AHCYL2: variants seen among roughly 807,000 people sequenced by gnomAD.
AHCYL2 encodes the protein S-adenosylhomocysteine hydrolase-like protein 2.
A neutral mutation model predicts 81.4 loss-of-function variants in AHCYL2; 28 were observed. That is an observed-to-expected ratio of 0.34 (90% CI 0.25 to 0.47). The LOEUF is 0.47. AHCYL2 is among the 20% of genes least tolerant of loss of function. The probability of loss-of-function intolerance (pLI) is 1.00; values close to 1 mark genes in which losing one functional copy is unlikely to be tolerated. For synonymous variants in AHCYL2, 272 were observed against 290.2 expected (o/e 0.94, Z 0.64); for missense variants, 551 against 785.1 (o/e 0.70, Z 3.56).
chr7:129,272,388 T>TA (rs1796051130), intron 1 of AHCYL2, among the ~76,000 whole-genome samples: 1 of 152,212 alleles, frequency 6.6e-6, no homozygotes, highest in Non-Finnish European at 1.5e-5. Flanking sequence ...GTGAGTATAA[T>TA]AAAATGGTTG....
chr7:129,390,573 A>C (rs1453557000), intron 4 of AHCYL2, among the ~76,000 whole-genome samples: 1 of 152,228 alleles, frequency 6.6e-6, no homozygotes, highest in Non-Finnish European at 1.5e-5. Flanking sequence ...GGCAGACTTC[A>C]GATGCAGGAT....
At position 129,413,204 on chromosome 7, in the gene AHCYL2, C is replaced by T. The variant is rs530092091; in HGVS notation, c.1367-390C>T. 1.8e-4 allele frequency among the ~76,000 whole-genome samples: 26 copies of T among 146,108 alleles called. No homozygotes were observed. In the East Asian group the frequency reaches 2.0e-3, roughly 11 times the overall value. On this transcript the variant is annotated intron_variant, in intron 11 of 16. Coordinates refer to ENST00000325006, the MANE Select transcript of AHCYL2 (RefSeq NM_015328.4). ...TCACCCAGGCTGGAGTGTGGTGGCA[C>T]GATCTCGGCTCACTGCAAGCTCCAC...
chr7:129,258,643 G>C lies in AHCYL2; in HGVS notation c.363+33204G>C, dbSNP rs183374953. Among the ~76,000 whole-genome samples the C allele has an allele frequency of 2.3e-4, 35 of 150,716 alleles. 1 individual carries two copies. The East Asian group carries it at 5.1e-3, about 22-fold the overall frequency. On this transcript the variant is annotated intron_variant, in intron 1 of 16. Transcript: ENST00000325006. ...TCCAGAGAGTTCCCTGAGATACCAG[G>C]TAAGATCTTGGATAGAATGGAGTGT...
At chr7:129,362,329 G>A (rs1052821008) in intron 1 of AHCYL2, among the ~76,000 whole-genome samples, 24 of 152,110 alleles carry the variant, frequency 1.6e-4, no homozygotes, top group Non-Finnish European at 2.8e-4. Context: ...AAATACCTGT[G>A]AGGTATGAAT....
At chr7:129,418,842 G>C (rs1796981240) in intron 12 of AHCYL2, among the ~76,000 whole-genome samples, 1 of 152,170 alleles carries the variant, frequency 6.6e-6, no homozygotes, top group South Asian at 2.1e-4. Flanking sequence ...TCTGACTGTA[G>C]AAAGTGGTGG....
chr7:129,390,602 C>A (rs1340948887), intron 4 of AHCYL2, among the ~76,000 whole-genome samples: 1 of 152,218 alleles, frequency 6.6e-6, no homozygotes, highest in Admixed American at 6.5e-5. Context: ...TCCAGCTTCA[C>A]CTCTCTGATT....
rs1012990397 is a variant in AHCYL2, at chr7:129,381,011, A to C, written c.475+1262A>C. Reference sequence around the variant, plus strand: ...CTCAGCCTACCAAAGTTCTGGGATTACAGGCGTGAGCCACTGCGCCAGGCC... The same window carrying C: ...CTCAGCCTACCAAAGTTCTGGGATTCCAGGCGTGAGCCACTGCGCCAGGCC... On this transcript the variant is annotated intron_variant, in intron 2 of 16. Transcript: ENST00000325006. 2.0e-5 allele frequency among the ~76,000 whole-genome samples: 3 copies of C among 152,224 alleles called. No individual in the cohort carries two copies. In the East Asian group the frequency reaches 5.8e-4, roughly 29 times the overall value.
intron 1 of AHCYL2, among the ~76,000 whole-genome samples, chr7:129,252,875 A>T (rs1795290253): frequency 6.6e-6 from 1 of 152,080 alleles, no homozygotes; most frequent in Admixed American, 6.6e-5. Context: ...GTCCCACTTG[A>T]AGATTAGAAG....
chr7:129,338,183 G>A (rs574079261), intron 1 of AHCYL2, among the ~76,000 whole-genome samples: 2 of 151,260 alleles, frequency 1.3e-5, no homozygotes, highest in South Asian at 4.2e-4. Context: ...TTTTTTAAGA[G>A]ACAGGGTCTT....
In AHCYL2 at chr7:129,419,216, C is replaced by T. The variant is rs1408497842; in HGVS notation, c.1462-3624C>T. Among the ~76,000 whole-genome samples the T allele has an allele frequency of 1.3e-5, 2 of 152,166 alleles. No homozygotes were observed. The highest frequency in any genetic ancestry group is 4.8e-5 in the African/African-American group (2 of 41,442). ...TCTGGGATAGGGATTATGCTCTCCA[C>T]TGTCTTTTGGCCGTATCTTTCTTTT... On this transcript the variant is annotated intron_variant, in intron 12 of 16. Transcript: ENST00000325006. The surrounding 1 kb of genome is among the most constrained non-coding windows in gnomAD (Gnocchi z 4.7).
intron 5 of AHCYL2, among the ~76,000 whole-genome samples, chr7:129,398,433 C>T (rs1158713123): frequency 6.6e-6 from 1 of 150,798 alleles, no homozygotes; most frequent in East Asian, 1.9e-4. Flanking sequence ...GGCTGGAGTG[C>T]AGTGGCATGA....
chr7:129,399,224 G>A (rs1397013045), intron 5 of AHCYL2, among the ~76,000 whole-genome samples: 1 of 150,434 alleles, frequency 6.6e-6, no homozygotes, highest in South Asian at 2.1e-4. Context: ...TGAGGTGGGC[G>A]GATCATGAGG....
rs559449661 is a variant in AHCYL2, at chr7:129,413,835, C to G, written c.1461+147C>G. 9.3e-6 allele frequency: 6 copies of G among 645,218 alleles called. No individual in the cohort carries two copies. In the South Asian group the frequency reaches 1.1e-4, roughly 12 times the overall value. 40.0% of individuals were successfully genotyped at this position (645,218 alleles called of 1,614,324 possible). A position where few individuals can be genotyped will look rare whatever the true frequency, so the allele number is the denominator to read the frequency against. Reference sequence around the variant, plus strand: ...ATCTTTTCACTTACTAGCCCTATAGCCTGTGTTTTTGGAGACTATAAAGTT... The same window carrying G: ...ATCTTTTCACTTACTAGCCCTATAGGCTGTGTTTTTGGAGACTATAAAGTT... On this transcript the variant is annotated intron_variant, in intron 12 of 16. Transcript: ENST00000325006.
chr7:129,267,230 G>GGTGTGTGT lies in AHCYL2; in HGVS notation c.363+41824_363+41831dup, dbSNP rs769745702. 3.8e-3 allele frequency among the ~76,000 whole-genome samples: 227 copies of GGTGTGTGT among 59,204 alleles called. 1 individual carries two copies. The highest frequency in any genetic ancestry group is 7.2e-3 in the African/African-American group (166 of 23,116). The allele number at this position is 59,204 out of a possible 152,430, so 38.8% of individuals were successfully genotyped here. On this transcript the variant is annotated intron_variant, in intron 1 of 16. Transcript: ENST00000325006. ...TCCAAGTTATTGAGTTCACTCAAGGGGTGTGTGTGTGTGTGTGTGTGTGTG... is the reference window on the plus strand; with the variant it reads ...TCCAAGTTATTGAGTTCACTCAAGGGGTGTGTGTGTGTGTGTGTGTGTGTGTGTGTGTG...
chr7:129,332,763 A>G (rs2150805228), intron 1 of AHCYL2, among the ~76,000 whole-genome samples: 1 of 152,342 alleles, frequency 6.6e-6, no homozygotes, highest in Non-Finnish European at 1.5e-5. Context: ...ATGTAAACCA[A>G]ATAAAGCTAG....
At chr7:129,284,895 A>G (rs1796574580) in intron 1 of AHCYL2, among the ~76,000 whole-genome samples, 1 of 152,228 alleles carries the variant, frequency 6.6e-6, no homozygotes, top group South Asian at 2.1e-4. Context: ...AGAATAATCC[A>G]AGTTTTATTT....
chr7:129,404,658 A>G (rs1340576274), intron 7 of AHCYL2, among the ~76,000 whole-genome samples: 1 of 152,202 alleles, frequency 6.6e-6, no homozygotes, highest in African/African-American at 2.4e-5. Context: ...GGGGACAACA[A>G]GAGTGAGACT....
At position 129,368,011 on chromosome 7, in the gene AHCYL2, T is replaced by G; in HGVS notation, c.364-11627T>G. The stretch of plus-strand genomic sequence containing the variant: ...TTACTGATCCAAATCAAGCAACTCT[T>G]GAGAAATGGGAGTGCCTTCCTGACC... On this transcript the variant is annotated intron_variant, in intron 1 of 16. Coordinates refer to ENST00000325006, the MANE Select transcript of AHCYL2 (RefSeq NM_015328.4). The surrounding 1 kb of genome is among the most constrained non-coding windows in gnomAD (Gnocchi z 4.4). The G allele has an allele frequency of 2.0e-5, 15 of 739,354 alleles. No individual in the cohort carries two copies. Among genetic ancestry groups the G allele is most frequent in the South Asian group, 1.2e-4 (2 of 16,402 alleles). 45.8% of individuals were successfully genotyped at this position (739,354 alleles called of 1,614,324 possible).
intron 1 of AHCYL2, among the ~76,000 whole-genome samples, chr7:129,323,238 G>A (rs1463147564): frequency 6.6e-6 from 1 of 152,068 alleles, no homozygotes; most frequent in Non-Finnish European, 1.5e-5. Flanking sequence ...TTCCCTCTAA[G>A]TGCTGCTTTA....
Sources: gnomAD v4.1 joint callset for allele counts (sites outside exome capture counted in the v4.1 genomes callset) on GRCh38, gnomAD v4.1.1 for gene constraint, Gnocchi (gnomAD v3.1) non-coding constraint, MANE v1.5 for transcripts, NCBI Gene and HGNC (gene_info 2026-07-23, HGNC 2026-07-21) for gene names.